The following DLG2 variants were observed in gnomAD, a reference collection of about 807,000 sequenced individuals.
DLG2 encodes disks large homolog 2.
In DLG2, 45 loss-of-function variants were observed where a neutral mutation model predicts 132.5. The observed-to-expected ratio is 0.34, with a 90% CI of 0.27 to 0.44. The LOEUF (loss-of-function observed/expected upper bound fraction) is 0.44. Ranked by LOEUF, DLG2 falls within the 20% of genes least tolerant of loss-of-function variation. DLG2 has a pLI of 1.00. For synonymous variants in DLG2, 424 were observed against 419.6 expected (o/e 1.01, Z -0.13); for missense variants, 1,045 against 1,196.9 (o/e 0.87, Z 1.87).
chr11:84,923,778 T>G (rs2092874906), intron 6 of DLG2, among the ~76,000 whole-genome samples: 1 of 152,158 alleles, frequency 6.6e-6, no homozygotes, highest in Non-Finnish European at 1.5e-5. Flanking sequence ...AAATGTGAAC[T>G]GGGTTCCTCT....
intron 3 of DLG2, among the ~76,000 whole-genome samples, chr11:85,438,605 A>T (rs1213292406): frequency 6.6e-6 from 1 of 152,208 alleles, no homozygotes; most frequent in Non-Finnish European, 1.5e-5. Flanking sequence ...GTACAATATC[A>T]CAAACAGGAT....
In DLG2 at chr11:84,059,066, A is replaced by T. The variant is rs147398248; in HGVS notation, c.919+249T>A. Among the ~76,000 whole-genome samples, 37 of 152,244 alleles carry T rather than the reference A, an allele frequency of 2.4e-4. 1 individual carries two copies. In the East Asian group the frequency reaches 6.4e-3, roughly 26 times the overall value. On this transcript the variant is annotated intron_variant, in intron 11 of 27. Transcript: ENST00000376104. ...AGTAAGATTAAAAATTTATAGAAAA[A>T]CATAGATGACTGTTAATATTTTTGT...
intron 6 of DLG2, among the ~76,000 whole-genome samples, chr11:85,051,427 T>C (rs1362881368): frequency 6.6e-6 from 1 of 152,190 alleles, no homozygotes; most frequent in African/African-American, 2.4e-5. Flanking sequence ...ATTTAAAATG[T>C]AAGTTCTTTC....
intron 8 of DLG2, among the ~76,000 whole-genome samples, chr11:84,199,718 T>C (rs1272879143): frequency 6.6e-6 from 1 of 152,000 alleles, no homozygotes; most frequent in Non-Finnish European, 1.5e-5. Context: ...GTTTACTCAG[T>C]GGGAATATAG....
At chr11:85,252,491 C>G (rs1259953705) in intron 4 of DLG2, among the ~76,000 whole-genome samples, 1 of 152,212 alleles carries the variant, frequency 6.6e-6, no homozygotes, top group South Asian at 2.1e-4. Flanking sequence ...GAGGCTGAAG[C>G]AGGAGAATCG....
chr11:84,535,445 C>T (rs1198707562), intron 6 of DLG2, among the ~76,000 whole-genome samples: 2 of 152,194 alleles, frequency 1.3e-5, no homozygotes, highest in East Asian at 3.8e-4. Flanking sequence ...GTAAATACTT[C>T]TTCTCTCTTG....
intron 18 of DLG2, among the ~76,000 whole-genome samples, chr11:83,686,150 T>A (rs1318036533): frequency 6.6e-6 from 1 of 152,098 alleles, no homozygotes; most frequent in Admixed American, 6.5e-5. Context: ...GCCAGCCATG[T>A]TTTTAAAACA....
chr11:83,916,575 C>G (rs2076961803), intron 15 of DLG2, among the ~76,000 whole-genome samples: 1 of 152,178 alleles, frequency 6.6e-6, no homozygotes, highest in African/African-American at 2.4e-5. Flanking sequence ...CTCGGCCTCC[C>G]AAAGTGCTGG....
chr11:84,067,166 C>T (rs2096687202), intron 10 of DLG2, among the ~76,000 whole-genome samples: 1 of 151,752 alleles, frequency 6.6e-6, no homozygotes, highest in Non-Finnish European at 1.5e-5. Context: ...AACCCCATCT[C>T]TACCAAAAAT....
At chr11:85,101,982 G>T (rs2070923055) in intron 6 of DLG2, among the ~76,000 whole-genome samples, 1 of 151,974 alleles carries the variant, frequency 6.6e-6, no homozygotes, top group Admixed American at 6.6e-5. Flanking sequence ...ACAGTACTGT[G>T]AAGAAAGACC....
intron 10 of DLG2, among the ~76,000 whole-genome samples, chr11:84,077,158 T>C (rs984413022): frequency 1.3e-5 from 2 of 152,198 alleles, no homozygotes; most frequent in African/African-American, 4.8e-5. Flanking sequence ...TTGGCTACTG[T>C]CCTATCTCCT....
intron 3 of DLG2, among the ~76,000 whole-genome samples, chr11:85,456,601 T>C (rs1462548181): frequency 6.6e-6 from 1 of 152,186 alleles, no homozygotes; most frequent in African/African-American, 2.4e-5. Flanking sequence ...GACGTGGGCA[T>C]TTAGTGCTAT....
intron 6 of DLG2, among the ~76,000 whole-genome samples, chr11:84,937,013 G>T (rs2048827357): frequency 6.6e-6 from 1 of 152,066 alleles, no homozygotes; most frequent in Admixed American, 6.6e-5. Context: ...TTAGCCAGGT[G>T]TGGTGGCAGA....
At chr11:83,496,881 A>G (rs189560354) in intron 21 of DLG2, among the ~76,000 whole-genome samples, 2 of 152,304 alleles carry the variant, frequency 1.3e-5, no homozygotes, top group East Asian at 3.9e-4. Flanking sequence ...TTAATCTTCT[A>G]TATCTTGTCT....
intron 7 of DLG2, among the ~76,000 whole-genome samples, chr11:84,305,623 A>C (rs578217527): frequency 5.9e-5 from 9 of 152,106 alleles, no homozygotes; most frequent in South Asian, 4.2e-4. Flanking sequence ...CTATTTATCT[A>C]CCTACCTACC....
chr11:83,719,947 A>G (rs1464705104), intron 18 of DLG2, among the ~76,000 whole-genome samples: 1 of 152,130 alleles, frequency 6.6e-6, no homozygotes, highest in African/African-American at 2.4e-5. Context: ...ATTACATGCT[A>G]TCTCCACATC....
chr11:85,116,459 G>T (rs970621849), intron 5 of DLG2, among the ~76,000 whole-genome samples: 2 of 151,824 alleles, frequency 1.3e-5, no homozygotes, highest in African/African-American at 4.8e-5. Flanking sequence ...TGTTCATTAT[G>T]CATCATCCAC....
chr11:84,273,869 C>T (rs1049580719), intron 7 of DLG2, among the ~76,000 whole-genome samples: 1 of 152,080 alleles, frequency 6.6e-6, no homozygotes, highest in Non-Finnish European at 1.5e-5. Context: ...CTTAATGGCA[C>T]TATGAGTTGT....
At chr11:84,658,631 C>T (rs1441170365) in intron 6 of DLG2, among the ~76,000 whole-genome samples, 4 of 152,102 alleles carry the variant, frequency 2.6e-5, no homozygotes, top group Non-Finnish European at 5.9e-5. Context: ...AGTTAGTTCT[C>T]ACTCTATTAG....
Sources: gnomAD v4.1 joint callset for allele counts (sites outside exome capture counted in the v4.1 genomes callset) on GRCh38, gnomAD v4.1.1 for gene constraint, MANE v1.5 for transcripts, NCBI Gene and HGNC (gene_info 2026-07-23, HGNC 2026-07-21) for gene names.